The following NELL2 variants were observed in gnomAD, a reference collection of about 807,000 sequenced individuals.
NELL2 encodes the protein protein kinase C-binding protein NELL2.
A neutral mutation model predicts 109.6 loss-of-function variants in NELL2; 41 were observed. The ratio of observed to expected loss-of-function variants is 0.37; its 90% CI spans 0.29 to 0.49. The LOEUF (loss-of-function observed/expected upper bound fraction) is 0.49. Among genes scored for constraint, NELL2 ranks in the 20% least tolerant of loss-of-function variants. NELL2 has a pLI of 0.98. For synonymous variants in NELL2, 355 were observed against 344.7 expected (o/e 1.03, Z -0.33); for missense variants, 900 against 1,008.3 (o/e 0.89, Z 1.45).
At chr12:44,877,266 C>G (rs1945354352), upstream of NELL2, among the ~76,000 whole-genome samples, 2 of 152,208 alleles carry the variant, frequency 1.3e-5, no homozygotes, top group Non-Finnish European at 2.9e-5. Context: ...GCTCTACCTG[C>G]CCTTCACCAC....
chr12:44,616,622 G>A (rs532196450), intron 13 of NELL2, among the ~76,000 whole-genome samples: 178 of 152,258 alleles, frequency 1.2e-3, no homozygotes, highest in Non-Finnish European at 1.8e-3. Context: ...CATGTTTAGA[G>A]GGATGGTTTA....
intron 15 of NELL2, among the ~76,000 whole-genome samples, chr12:44,574,432 T>C (rs1166671595): frequency 6.6e-6 from 1 of 152,220 alleles, no homozygotes; most frequent in Non-Finnish European, 1.5e-5. Flanking sequence ...ACTTTATTAA[T>C]ATTGTCTTAA....
intron 3 of NELL2, among the ~76,000 whole-genome samples, chr12:44,815,294 C>T (rs1943305790): frequency 6.6e-6 from 1 of 152,196 alleles, no homozygotes; most frequent in Admixed American, 6.5e-5. Flanking sequence ...ACAGCTGTCA[C>T]TGCTGCCAAC....
Position 44,870,520 on chromosome 12 carries a change from A to C in NELL2, c.184+4705T>G, listed in dbSNP as rs112849241. ...AATCTATTATCTCACAGTTCTGGAG[A>C]TCAGAAGTCCAAAATGAGTCTCATT... On this transcript the variant is annotated intron_variant, in intron 2 of 19. Transcript: ENST00000429094. Among the ~76,000 whole-genome samples the C allele has an allele frequency of 7.8e-3, 1,193 of 152,254 alleles. 15 individuals carry two copies. Among genetic ancestry groups the C allele is most frequent in the African/African-American group, 0.027 (1,115 of 41,548 alleles).
intron 12 of NELL2, 54 bp downstream of exon 12, chr12:44,703,672 G>C (rs1210878639): frequency 1.9e-6 from 3 of 1,593,454 alleles, no homozygotes. Context: ...AATTTTGCAT[G>C]CAGTAATCCT....
At position 44,668,874 on chromosome 12, in the gene NELL2, C is replaced by G. The variant is rs180729781; in HGVS notation, c.1319-3265G>C. 2.6e-3 allele frequency among the ~76,000 whole-genome samples: 394 copies of G among 152,084 alleles called. 4 individuals are homozygous for G. Among genetic ancestry groups the G allele is most frequent in the African/African-American group, 8.6e-3 (357 of 41,460 alleles). On this transcript the variant is annotated intron_variant, in intron 12 of 19. Transcript: ENST00000429094. ...AAATGCTGTCTAAGTGATCAAGGAC[C>G]CACTCAGTTGGCCCACCACTGCAAC... is the stretch of plus-strand genomic sequence containing the variant.
At chr12:44,852,823 G>T (rs548384352) in intron 2 of NELL2, among the ~76,000 whole-genome samples, 1 of 152,148 alleles carries the variant, frequency 6.6e-6, no homozygotes, top group South Asian at 2.1e-4. Flanking sequence ...AATTTAAATT[G>T]CACAATTTTC....
At position 44,624,994 on chromosome 12, in the gene NELL2, GTGTATATATATATATATATA is replaced by G. The variant is rs1230068356; in HGVS notation, c.1445-14044_1445-14025del. Reference sequence around the variant, plus strand: ...AGATGACAAATATATATATATGTGTGTGTATATATATATATATATATATATATATATATATATATTTCTGA... The same window carrying G: ...AGATGACAAATATATATATATGTGTGTATATATATATATATATATTTCTGA... On this transcript the variant is annotated intron_variant, in intron 13 of 19. Transcript: ENST00000429094. 2.5e-3 allele frequency among the ~76,000 whole-genome samples: 292 copies of G among 118,692 alleles called. 4 individuals carry two copies. The highest frequency in any genetic ancestry group is 8.2e-3 in the African/African-American group (269 of 32,866). The allele number at this position is 118,692 out of a possible 152,430, so 77.9% of individuals were successfully genotyped here.
At chr12:44,517,022 AATTAT>A (rs1480936152) in intron 19 of NELL2, among the ~76,000 whole-genome samples, 1 of 150,564 alleles carries the variant, frequency 6.6e-6, no homozygotes, top group African/African-American at 2.4e-5. Context: ...ATAAATATTT[AATTAT>A]ATTTTCTTTA....
At chr12:44,626,247 A>G (rs1946259776) in intron 13 of NELL2, among the ~76,000 whole-genome samples, 1 of 152,200 alleles carries the variant, frequency 6.6e-6, no homozygotes, top group South Asian at 2.1e-4. Context: ...AGTCTTTGCC[A>G]TGGCCACAGT....
intron 2 of NELL2, among the ~76,000 whole-genome samples, chr12:44,820,690 G>A (rs1943513928): frequency 6.6e-6 from 1 of 151,922 alleles, no homozygotes; most frequent in Non-Finnish European, 1.5e-5. Context: ...AAAGAAAGGA[G>A]GCAAAAGGAA....
chr12:44,816,166 T>C (rs1176873323), intron 2 of NELL2, 30 bp from the exon 3 acceptor site: 9 of 1,529,786 alleles, frequency 5.9e-6, no homozygotes, highest in Non-Finnish European at 7.9e-6. Flanking sequence ...ATACTAAGAA[T>C]AGTAGAATTT....
chr12:44,654,132 T>G (rs1370218733), intron 13 of NELL2, among the ~76,000 whole-genome samples: 3 of 152,226 alleles, frequency 2.0e-5, no homozygotes, highest in Non-Finnish European at 4.4e-5. Context: ...GCACATTTTT[T>G]GGCTACAAAT....
At chr12:44,629,820 T>C (rs1048460650) in intron 13 of NELL2, among the ~76,000 whole-genome samples, 3 of 152,218 alleles carry the variant, frequency 2.0e-5, no homozygotes, top group Non-Finnish European at 1.5e-5. Flanking sequence ...TCAACAACAC[T>C]GTAATTATTT....
chr12:44,764,480 A>C (rs577059013), intron 9 of NELL2, among the ~76,000 whole-genome samples: 1 of 152,344 alleles, frequency 6.6e-6, no homozygotes, highest in Admixed American at 6.5e-5. Flanking sequence ...TTATAAAATC[A>C]TATTTCCTAA....
At chr12:44,521,399 G>T (rs1000890761) in intron 18 of NELL2, among the ~76,000 whole-genome samples, 1 of 150,910 alleles carries the variant, frequency 6.6e-6, no homozygotes, top group Non-Finnish European at 1.5e-5. Context: ...GCGTAGTGGC[G>T]GGCGCCTGTA....
chr12:44,703,932 A>G, intron 11 of NELL2, 78 bp from the exon 12 acceptor site: 1 of 1,295,372 alleles, frequency 7.7e-7, no homozygotes, highest in South Asian at 1.5e-5. Flanking sequence ...TATTTTCTTT[A>G]ATTTTGAAGC....
chr12:44,767,363 G>A (rs1032872974), intron 9 of NELL2, among the ~76,000 whole-genome samples: 35 of 152,124 alleles, frequency 2.3e-4, no homozygotes, highest in African/African-American at 7.2e-4. Context: ...ACTGAAACCC[G>A]GAGAGACGTG....
intron 15 of NELL2, among the ~76,000 whole-genome samples, chr12:44,591,698 A>G (rs1195047714): frequency 6.6e-6 from 1 of 152,184 alleles, no homozygotes; most frequent in African/African-American, 2.4e-5. Flanking sequence ...TTTTTATAGC[A>G]CTGTAGAGTG....
Sources: allele counts gnomAD v4.1 joint callset (sites outside exome capture counted in the v4.1 genomes callset), GRCh38; gene constraint gnomAD v4.1.1; transcripts MANE v1.5; gene names NCBI Gene and HGNC (gene_info 2026-07-23, HGNC 2026-07-21).